Variants in TRAPPC8 observed in about 807,000 individuals in gnomAD.
TRAPPC8 encodes the protein general sporulation gene 1 homolog.
In TRAPPC8, 54 loss-of-function variants were observed where a neutral mutation model predicts 174.3. The observed-to-expected ratio is 0.31, with a 90% confidence interval of 0.25 to 0.39. TRAPPC8 has a LOEUF of 0.39. Among genes scored for constraint, TRAPPC8 ranks in the 10% least tolerant of loss-of-function variants. The pLI, the probability that TRAPPC8 is intolerant of heterozygous loss-of-function variation, is 1.00. For synonymous variants in TRAPPC8, 630 were observed against 579.9 expected, an observed-to-expected ratio of 1.09 and a Z score of -1.24; for missense variants, 1,531 against 1,699.1, an observed-to-expected ratio of 0.90 and a Z score of 1.74.
At chr18:31,876,782 G>A (rs1156558444) in intron 12 of TRAPPC8, among the ~76,000 whole-genome samples, 1 of 151,970 alleles carries the variant, frequency 6.6e-6, no homozygotes, top group African/African-American at 2.4e-5. Context: ...AACTGATGGG[G>A]AGTCCCTCTG....
At position 31,866,949 on chromosome 18, in the gene TRAPPC8, G is replaced by A. The variant is rs145891863; in HGVS notation, c.2490C>T (p.His830=). Residue 830 remains histidine, a synonymous_variant, in exon 18 of 29, where the codon CAC becomes CAT. Transcript: ENST00000283351. ...CTCCCAGAATATGCAGCTCCCCTAT[G>A]TGATGGGGAAAGAGCTTTAGTCTTG... ...KVARLKLFPH[H]IGELHILGVV... is the part of the protein sequence containing the mutation. The A allele has an allele frequency of 8.1e-6, 13 of 1,613,524 alleles. No individual in the cohort carries two copies. In the African/African-American group the frequency reaches 1.5e-4, roughly 18 times the overall value.
chr18:31,881,874 T>C (rs914851050), intron 12 of TRAPPC8, among the ~76,000 whole-genome samples: 2 of 152,056 alleles, frequency 1.3e-5, no homozygotes, highest in African/African-American at 2.4e-5. Flanking sequence ...ATGAAAAATA[T>C]GAAAAAATAC....
intron 27 of TRAPPC8, chr18:31,833,235 T>C (rs1360152473): frequency 6.6e-6 from 1 of 152,246 alleles, no homozygotes; most frequent in Non-Finnish European, 1.5e-5. Flanking sequence ...ACTTATGCTA[T>C]TCTGTTCCCA....
rs776294325 is a variant in TRAPPC8 at position 31,942,738 on chromosome 18, C to T, written c.27G>A (p.Gln9=). The T allele has an allele frequency of 1.3e-6, 2 of 1,591,280 alleles. No homozygotes were observed. The highest frequency in any genetic ancestry group is 1.7e-6 in the Non-Finnish European group (2 of 1,169,586). MAQCVQSV[Q]ELIPDSFVPC... Reference sequence around the variant, plus strand: ...GGACGAAGGAGTCCGGGATTAGCTCCTGCACTGATTGTACACACTGGGCCA... The same window carrying T: ...GGACGAAGGAGTCCGGGATTAGCTCTTGCACTGATTGTACACACTGGGCCA... Residue 9 remains glutamine (Q), a synonymous_variant, in exon 1 of 29, where the codon CAG becomes CAA. Coordinates refer to ENST00000283351, the MANE Select transcript of TRAPPC8 (RefSeq NM_014939.5).
chr18:31,931,336 G>A lies in TRAPPC8; in HGVS notation c.345C>T (p.Asn115=), dbSNP rs751241272. ...ATAAACCTTGTTACATACCACTGAT[G>A]TTAAGGTCATAATCTCCTGCTGTAA... ...NVITAGDYDL[N]ISATTPWFES... Residue 115 remains asparagine (N), a synonymous_variant, in exon 2 of 29, where the codon AAC becomes AAT. Coordinates refer to ENST00000283351, the MANE Select transcript of TRAPPC8 (RefSeq NM_014939.5). The A allele has an allele frequency of 3.2e-6, 5 of 1,562,332 alleles. No homozygotes were observed. In the Middle Eastern group the frequency reaches 5.1e-4, roughly 161 times the overall value.
At chr18:31,846,960 T>C in intron 25 of TRAPPC8, 143 bp from the exon 26 acceptor site, 1 of 498,272 alleles carries the variant, frequency 2.0e-6, no homozygotes, top group East Asian at 2.9e-5. Context: ...CATTTCTACT[T>C]TTAGTTATTC....
At chr18:31,835,218 G>A (rs895712435) in intron 27 of TRAPPC8, among the ~76,000 whole-genome samples, 2 of 152,146 alleles carry the variant, frequency 1.3e-5, no homozygotes, top group Non-Finnish European at 2.9e-5. Flanking sequence ...AGCATGTGTA[G>A]TCTGAACATC....
intron 12 of TRAPPC8, among the ~76,000 whole-genome samples, chr18:31,875,861 CA>C (rs2145232443): frequency 6.6e-6 from 1 of 152,254 alleles, no homozygotes; most frequent in African/African-American, 2.4e-5. Flanking sequence ...GGAGCTAAAA[CA>C]GTGGATTTCA....
chr18:31,926,558 T>A (rs986761277), intron 2 of TRAPPC8: 3 of 151,518 alleles, frequency 2.0e-5, no homozygotes, highest in Non-Finnish European at 4.4e-5. Flanking sequence ...AACCTCCGCC[T>A]CAAGCAGCTG....
chr18:31,864,093 T>C (rs1015174311), intron 19 of TRAPPC8, among the ~76,000 whole-genome samples: 8 of 148,836 alleles, frequency 5.4e-5, no homozygotes, highest in African/African-American at 1.7e-4. Flanking sequence ...CTATAAAATA[T>C]TATAATACTT....
chr18:31,857,847 C>A lies in TRAPPC8; in HGVS notation c.2881G>T (p.Gly961Cys). 6.2e-7 allele frequency: 1 copy of A among 1,614,130 alleles called. No homozygotes were observed. Among genetic ancestry groups the A allele is most frequent in the Non-Finnish European group, 8.5e-7 (1 of 1,180,026 alleles). ...GGTGTTAGAACAGCAGTATTACCAC[C>A]GAAAGTAAAGAACTCTGGACGTTTA... The part of the protein sequence containing the change: ...VSKRPEFFTF[G>C]GNTAVLTPLS... Residue 961 changes from glycine (G) to cysteine (C), a missense_variant, in exon 20 of 29, where the codon GGT (glycine) becomes TGT (cysteine). Coordinates refer to ENST00000283351, the MANE Select transcript of TRAPPC8 (RefSeq NM_014939.5).
intron 27 of TRAPPC8, among the ~76,000 whole-genome samples, chr18:31,835,922 C>A (rs1000978684): frequency 1.3e-5 from 2 of 152,192 alleles, no homozygotes; most frequent in East Asian, 1.9e-4. Flanking sequence ...GGACTGGGCC[C>A]AAAATATATG....
intron 12 of TRAPPC8, among the ~76,000 whole-genome samples, chr18:31,888,999 C>A (rs2035841395): frequency 6.6e-6 from 1 of 151,934 alleles, no homozygotes; most frequent in Non-Finnish European, 1.5e-5. Flanking sequence ...TCTATGCACC[C>A]TAACTTCCAA....
intron 27 of TRAPPC8, among the ~76,000 whole-genome samples, chr18:31,833,858 C>T (rs1404210522): frequency 2.0e-5 from 3 of 151,650 alleles, no homozygotes; most frequent in Non-Finnish European, 2.9e-5. Context: ...AAAAAGTAGC[C>T]GGGCGTGGTG....
chr18:31,851,769 TATG>T (rs539457329), intron 24 of TRAPPC8, among the ~76,000 whole-genome samples: 45 of 152,266 alleles, frequency 3.0e-4, no homozygotes, highest in South Asian at 6.2e-4. Context: ...GGTCTCAGAA[TATG>T]ATATGATATG....
In TRAPPC8 at chr18:31,873,859, T is replaced by C. The variant is rs549725426; in HGVS notation, c.1954-321A>G. The C allele has an allele frequency of 2.8e-5, 6 of 216,978 alleles. No homozygotes were observed. The South Asian group carries it at 4.7e-4, about 17-fold the overall frequency. The allele number at this position is 216,978 out of a possible 1,614,324, so 13.4% of individuals were successfully genotyped here. A position where few individuals can be genotyped will look rare whatever the true frequency, so the allele number is the denominator to read the frequency against. ...CTATCTGCCAAAATTCTAACCCATA[T>C]AATTTCAAATTAATAAAGTCTAGAC... On this transcript the variant is annotated intron_variant, in intron 13 of 28. Coordinates refer to ENST00000283351, the MANE Select transcript of TRAPPC8 (RefSeq NM_014939.5).
At chr18:31,876,814 C>T (rs911107091) in intron 12 of TRAPPC8, among the ~76,000 whole-genome samples, 7 of 152,126 alleles carry the variant, frequency 4.6e-5, no homozygotes, top group Admixed American at 3.9e-4. Context: ...CAGGACAACA[C>T]TAACAGTGGC....
chr18:31,865,819 T>C (rs1366228627), intron 18 of TRAPPC8, among the ~76,000 whole-genome samples: 1 of 150,938 alleles, frequency 6.6e-6, no homozygotes, highest in African/African-American at 2.4e-5. Flanking sequence ...ATTTAAATTA[T>C]AAATTATATA....
intron 27 of TRAPPC8, 76 bp downstream of exon 27, chr18:31,839,236 A>T: frequency 6.9e-7 from 1 of 1,443,806 alleles, no homozygotes; most frequent in Non-Finnish European, 9.3e-7. Context: ...GGTTAATGTC[A>T]CTGCCAAAAT....
Sources: allele counts gnomAD v4.1 joint callset (sites outside exome capture counted in the v4.1 genomes callset), GRCh38; gene constraint gnomAD v4.1.1; transcripts MANE v1.5; gene names NCBI Gene and HGNC (gene_info 2026-07-23, HGNC 2026-07-21).